The following SRGAP2C variants were observed in gnomAD, a reference collection of about 807,000 sequenced individuals.
The protein encoded by SRGAP2C is SLIT-ROBO Rho GTPase activating protein 2C.
SRGAP2C carries 15 observed loss-of-function variants against 25.1 expected under a neutral mutation model. That is an observed-to-expected ratio of 0.60 (90% confidence interval 0.40 to 0.92). The LOEUF is 0.92. SRGAP2C is among the 40% of genes least tolerant of loss of function. The probability of loss-of-function intolerance (pLI) is 0.00; values close to 1 mark genes in which losing one functional copy is unlikely to be tolerated. For missense variants in SRGAP2C, 144 were observed against 264.4 expected, an observed-to-expected ratio of 0.54 and a Z score of 3.16; for synonymous variants, 44 against 96.6, an observed-to-expected ratio of 0.46 and a Z score of 3.19.
rs1657563564 is a variant in SRGAP2C, at chr1:121,294,828, A to G, written c.260+9833A>G. On this transcript the variant is annotated intron_variant, in intron 3 of 9. Coordinates refer to ENST00000367123, the MANE Select transcript of SRGAP2C (RefSeq NM_001329984.2). Reference sequence around the variant, plus strand: ...TTCTCCCAGCTTCTTTCTCTCCTCAACACATATTTGTTGACTATTTTAGAG... The same window carrying G: ...TTCTCCCAGCTTCTTTCTCTCCTCAGCACATATTTGTTGACTATTTTAGAG... Among the ~76,000 whole-genome samples, 10 of 139,856 alleles carry G rather than the reference A, an allele frequency of 7.2e-5. No individual in the cohort carries two copies. In the South Asian group the frequency reaches 2.3e-3, roughly 32 times the overall value. 91.8% of individuals were successfully genotyped at this position (139,856 alleles called of 152,430 possible). A position where few individuals can be genotyped will look rare whatever the true frequency, so the allele number is the denominator to read the frequency against.
intron 3 of SRGAP2C, among the ~76,000 whole-genome samples, chr1:121,287,698 C>A (rs1657400968): frequency 6.6e-6 from 1 of 152,106 alleles, no homozygotes; most frequent in Non-Finnish European, 1.5e-5. Context: ...GGCCGCGGAC[C>A]CTCGCGGTGA....
chr1:121,364,617 T>G (rs1480337634), intron 4 of SRGAP2C, among the ~76,000 whole-genome samples: 1 of 51,162 alleles, frequency 2.0e-5, no homozygotes, highest in Non-Finnish European at 3.9e-5. Flanking sequence ...TGCCCAGCCC[T>G]CATTCTTTAT....
chr1:121,286,072 C>G (rs1290947348), intron 3 of SRGAP2C, among the ~76,000 whole-genome samples: 1 of 152,102 alleles, frequency 6.6e-6, no homozygotes, highest in Non-Finnish European at 1.5e-5. Flanking sequence ...GCCATCCTGG[C>G]CCCCATGCAG....
rs1346783427 is a variant in SRGAP2C at position 121,388,854 on chromosome 1, C to T, written c.*999C>T. On this transcript the variant is annotated 3_prime_UTR_variant, in exon 10 of 10. Transcript: ENST00000367123. The stretch of plus-strand genomic sequence containing the variant: ...TTATTTTTTATCCTAGAGAAAACTG[C>T]TAAAAGGGAATGATATATCAGTACT... 1.1e-5 allele frequency: 1 copy of T among 93,274 alleles called. No individual in the cohort carries two copies. Among genetic ancestry groups the T allele is most frequent in the East Asian group, 2.9e-4 (1 of 3,448 alleles). The allele number at this position is 93,274 out of a possible 1,614,324, so 5.8% of individuals were successfully genotyped here. A position where few individuals can be genotyped will look rare whatever the true frequency, so the allele number is the denominator to read the frequency against.
chr1:121,355,405 C>A lies in SRGAP2C; in HGVS notation c.424-9888C>A, dbSNP rs1235292969. On this transcript the variant is annotated intron_variant, in intron 4 of 9. Coordinates refer to ENST00000367123, the MANE Select transcript of SRGAP2C (RefSeq NM_001329984.2). ...CGATCTTGGCTCACTGCAAGCTCTG[C>A]CTCCCGGGTTCACGCCATTCTCCTG... Among the ~76,000 whole-genome samples the A allele has an allele frequency of 8.4e-5, 7 of 83,118 alleles. 1 individual carries two copies. Among genetic ancestry groups the A allele is most frequent in the Non-Finnish European group, 1.7e-4 (7 of 41,250 alleles). The allele number at this position is 83,118 out of a possible 152,430, so 54.5% of individuals were successfully genotyped here.
In SRGAP2C at chr1:121,356,941, C is replaced by T. The variant is rs1177830800; in HGVS notation, c.424-8352C>T. Among the ~76,000 whole-genome samples, 10 of 151,976 alleles carry T rather than the reference C, an allele frequency of 6.6e-5. No individual in the cohort carries two copies. In the East Asian group the frequency reaches 1.6e-3, roughly 24 times the overall value. ...GATTATTATAGGACTGTGTTTCAGACTGGGAGAGCAGAGGGCCATTAGCCT... is the reference window on the plus strand; with the variant it reads ...GATTATTATAGGACTGTGTTTCAGATTGGGAGAGCAGAGGGCCATTAGCCT... On this transcript the variant is annotated intron_variant, in intron 4 of 9. Transcript: ENST00000367123.
chr1:121,192,344 A>G (rs1258150614), intron 2 of SRGAP2C, among the ~76,000 whole-genome samples: 4 of 152,006 alleles, frequency 2.6e-5, no homozygotes. Context: ...TTCCCACAAG[A>G]TGATTGAGGG....
intron 3 of SRGAP2C, among the ~76,000 whole-genome samples, chr1:121,285,362 G>A (rs1322304547): frequency 3.5e-5 from 5 of 141,026 alleles, no homozygotes; most frequent in Non-Finnish European, 7.8e-5. Flanking sequence ...AAGGTTAAGG[G>A]GCTTAACTCA....
chr1:121,383,358 C>T (rs587673946), intron 8 of SRGAP2C, among the ~76,000 whole-genome samples: 45 of 151,550 alleles, frequency 3.0e-4, no homozygotes, highest in East Asian at 7.9e-4. Flanking sequence ...TGAGGTGGGG[C>T]CACATCCTAG....
intron 2 of SRGAP2C, among the ~76,000 whole-genome samples, chr1:121,190,924 C>G (rs1461142751): frequency 6.8e-6 from 1 of 147,422 alleles, no homozygotes; most frequent in African/African-American, 2.5e-5. Flanking sequence ...CACCTGCTTG[C>G]ATGTGCCCTG....
intron 2 of SRGAP2C, among the ~76,000 whole-genome samples, chr1:121,208,825 T>G (rs1655180373): frequency 6.6e-6 from 1 of 152,190 alleles, no homozygotes; most frequent in African/African-American, 2.4e-5. Flanking sequence ...TTAGAGAGAT[T>G]TTTTGAAAGG....
intron 3 of SRGAP2C, among the ~76,000 whole-genome samples, chr1:121,316,920 G>C (rs1194941641): frequency 6.6e-6 from 1 of 151,252 alleles, no homozygotes; most frequent in Non-Finnish European, 1.5e-5. Context: ...CCTCCCTATA[G>C]TTCTGGGAAT....
chr1:121,231,715 T>A (rs2101471395), intron 2 of SRGAP2C, among the ~76,000 whole-genome samples: 1 of 145,790 alleles, frequency 6.9e-6, no homozygotes, highest in South Asian at 2.2e-4. Flanking sequence ...AGTAAGTGAA[T>A]TACTCACAGT....
chr1:121,383,296 G>T (rs1469383816), intron 8 of SRGAP2C, among the ~76,000 whole-genome samples: 95 of 147,294 alleles, frequency 6.4e-4, no homozygotes, highest in Non-Finnish European at 1.2e-3. Flanking sequence ...ATGGTGAAAG[G>T]AAAGTGAGGG....
At chr1:121,295,739 T>C (rs1296125692) in intron 3 of SRGAP2C, among the ~76,000 whole-genome samples, 2,211 of 150,532 alleles carry the variant, frequency 0.015, 41 homozygotes, top group Middle Eastern at 0.024. Flanking sequence ...TTGTTTTTGT[T>C]GTTGTTGTTG....
At chr1:121,259,673 A>T (rs1361271058) in intron 2 of SRGAP2C, among the ~76,000 whole-genome samples, 1 of 151,594 alleles carries the variant, frequency 6.6e-6, no homozygotes, top group African/African-American at 2.4e-5. Flanking sequence ...TACAATAAAG[A>T]TCTCTGTGAG....
intron 5 of SRGAP2C, among the ~76,000 whole-genome samples, chr1:121,372,254 AG>A (rs1384806558): frequency 6.6e-6 from 1 of 152,170 alleles, no homozygotes; most frequent in Non-Finnish European, 1.5e-5. Flanking sequence ...GGCCTAGATT[AG>A]TATACCCACA....
intron 4 of SRGAP2C, among the ~76,000 whole-genome samples, chr1:121,352,967 G>T (rs1419979607): frequency 1.2e-4 from 18 of 149,326 alleles, no homozygotes; most frequent in African/African-American, 4.0e-4. Context: ...GCGGGCACCT[G>T]TAGTCCCAGC....
At chr1:121,228,743 A>G (rs1655743852) in intron 2 of SRGAP2C, among the ~76,000 whole-genome samples, 1 of 151,668 alleles carries the variant, frequency 6.6e-6, no homozygotes, top group South Asian at 2.1e-4. Context: ...AATGTTTATT[A>G]AACACTTGAA....
Sources: gnomAD v4.1 joint callset for allele counts (sites outside exome capture counted in the v4.1 genomes callset) on GRCh38, gnomAD v4.1.1 for gene constraint, MANE v1.5 for transcripts, NCBI Gene and HGNC (gene_info 2026-07-23, HGNC 2026-07-21) for gene names.